SEMA4D: variants seen among roughly 807,000 people sequenced by gnomAD.
SEMA4D encodes the protein semaphorin-4D.
In SEMA4D, 22 loss-of-function variants were observed where a neutral mutation model predicts 74.8. The ratio of observed to expected loss-of-function variants is 0.29; its 90% confidence interval spans 0.21 to 0.42. The LOEUF is 0.42. SEMA4D is among the 10% of genes least tolerant of loss of function. The pLI, the probability that SEMA4D is intolerant of heterozygous loss-of-function variation, is 1.00. For synonymous variants in SEMA4D, 445 were observed against 463.7 expected, an observed-to-expected ratio of 0.96 and a Z score of 0.52; for missense variants, 937 against 1,118.4, an observed-to-expected ratio of 0.84 and a Z score of 2.31.
At position 89,417,977 on chromosome 9, in the gene SEMA4D, T is replaced by C. The variant is rs1057232856; in HGVS notation, c.-243-12278A>G. 1.7e-5 allele frequency: 9 copies of C among 522,714 alleles called. No individual in the cohort carries two copies. The Admixed American group carries it at 3.2e-4, about 19-fold the overall frequency. The allele number at this position is 522,714 out of a possible 1,614,324, so 32.4% of individuals were successfully genotyped here. The stretch of plus-strand genomic sequence containing the variant: ...CCAAGGGACCAAGCAACCAACCACC[T>C]GCCAGATCCAACTGAGGCCTCTACA... On this transcript the variant is annotated intron_variant, in intron 2 of 15. Transcript: ENST00000422704.
chr9:89,470,608 T>C (rs1453749553), intron 1 of SEMA4D, among the ~76,000 whole-genome samples: 1 of 152,206 alleles, frequency 6.6e-6, no homozygotes, highest in Non-Finnish European at 1.5e-5. Context: ...GCAATCCCAC[T>C]TCTGGACATT....
At chr9:89,433,231 C>G (rs1275317698) in intron 2 of SEMA4D, among the ~76,000 whole-genome samples, 3 of 151,730 alleles carry the variant, frequency 2.0e-5, no homozygotes, top group African/African-American at 7.3e-5. Flanking sequence ...CAGTGACCCC[C>G]TGAGGCTGCC....
At chr9:89,431,348 G>C (rs1305407529) in intron 2 of SEMA4D, among the ~76,000 whole-genome samples, 2 of 152,248 alleles carry the variant, frequency 1.3e-5, no homozygotes, top group South Asian at 2.1e-4. Context: ...ACCTCCAGGA[G>C]GAGGGACACC....
At chr9:89,369,505 G>A (rs756264432) in intron 16 of SEMA4D, 1 of 152,238 alleles carries the variant, frequency 6.6e-6, no homozygotes, top group Non-Finnish European at 1.5e-5. Context: ...CTGCACTTTG[G>A]TTAAAAAATT....
intron 15 of SEMA4D, 119 bp from the exon 16 acceptor site, chr9:89,379,748 TC>T: frequency 8.2e-7 from 1 of 1,218,858 alleles, no homozygotes; most frequent in Non-Finnish European, 1.1e-6. Context: ...CATGGAATCT[TC>T]CAGAACAACT....
chr9:89,439,408 C>A (rs914161864), intron 2 of SEMA4D, among the ~76,000 whole-genome samples: 1 of 152,168 alleles, frequency 6.6e-6, no homozygotes, highest in African/African-American at 2.4e-5. Context: ...CCTCTAAGAT[C>A]TAGTGGCTGA....
chr9:89,370,573 T>C lies in SEMA4D; in HGVS notation c.1882+6260A>G, dbSNP rs532382913. On this transcript the variant is annotated intron_variant, in intron 16 of 18. Coordinates refer to the SEMA4D transcript ENST00000339861. ...GGGTGTGGTGCTGGTGTGTGGTATG[T>C]CTGCTGTGTGGTCTGTGTAGTGTGT... Among the ~76,000 whole-genome samples the C allele has an allele frequency of 2.6e-3, 382 of 149,712 alleles. 1 individual carries two copies. The highest frequency in any genetic ancestry group is 4.8e-3 in the Non-Finnish European group (321 of 67,278).
chr9:89,364,020 C>CA, intron 16 of SEMA4D: 1 of 1,612,806 alleles, frequency 6.2e-7, no homozygotes, highest in South Asian at 1.1e-5. Flanking sequence ...CATGAGGGTG[C>CA]AGGGGGGTTA....
chr9:89,461,689 T>TTCTTTTTTC (rs1857231377), intron 1 of SEMA4D, among the ~76,000 whole-genome samples: 1 of 127,502 alleles, frequency 7.8e-6, no homozygotes, highest in South Asian at 2.7e-4. Flanking sequence ...CAATGTGTAT[T>TTCTTTTTTC]TCTTTTTTCT....
chr9:89,411,475 G>C (rs1210709246), intron 2 of SEMA4D, among the ~76,000 whole-genome samples: 2 of 152,164 alleles, frequency 1.3e-5, no homozygotes, highest in East Asian at 1.9e-4. Context: ...AGGAAATGTA[G>C]GCATATCTAA....
At chr9:89,376,108 G>C (rs183719915), downstream of SEMA4D, among the ~76,000 whole-genome samples, 24 of 152,344 alleles carry the variant, frequency 1.6e-4, no homozygotes, top group East Asian at 4.6e-3. Context: ...AAAGCAGGGG[G>C]ATTATGCCCG....
chr9:89,454,141 T>C (rs757163726), intron 2 of SEMA4D, among the ~76,000 whole-genome samples: 1 of 152,178 alleles, frequency 6.6e-6, no homozygotes, highest in East Asian at 1.9e-4. Context: ...ATGCAGACTA[T>C]CTATGATGTG....
At chr9:89,496,244 G>A (rs1444345136) in intron 1 of SEMA4D, among the ~76,000 whole-genome samples, 1 of 152,314 alleles carries the variant, frequency 6.6e-6, no homozygotes, top group Admixed American at 6.5e-5. Flanking sequence ...TTCTCAGGAG[G>A]TGGGCCCCCT....
At chr9:89,406,115 G>A (rs1279690901) in intron 2 of SEMA4D, among the ~76,000 whole-genome samples, 4 of 152,212 alleles carry the variant, frequency 2.6e-5, no homozygotes, top group East Asian at 1.9e-4. Context: ...AACGCTCAGC[G>A]AGGAAACGGC....
chr9:89,377,229 C>A, downstream of SEMA4D: 1 of 883,392 alleles, frequency 1.1e-6, no homozygotes, highest in Non-Finnish European at 1.6e-6. Flanking sequence ...GAATGTCTTC[C>A]CCAAATCAAG....
chr9:89,391,291 C>T lies in SEMA4D; in HGVS notation c.747G>A (p.Leu249=). 1 of 1,614,240 alleles carries T rather than the reference C, an allele frequency of 6.2e-7. No individual in the cohort carries two copies. The highest frequency in any genetic ancestry group is 8.5e-7 in the Non-Finnish European group (1 of 1,180,034). ...TGCACACTCTTGCTATCCGTGGGAT[C>T]AGCACCCTGAACACAAACTCATACT... ...SVEYEFVFRV[L]IPRIARVCKG... Residue 249 remains leucine, a synonymous_variant, in exon 9 of 16, where the codon CTG becomes CTA. Coordinates refer to ENST00000422704, the MANE Select transcript of SEMA4D (RefSeq NM_001371194.2).
At chr9:89,433,382 C>T (rs1415740147) in intron 2 of SEMA4D, among the ~76,000 whole-genome samples, 1 of 151,984 alleles carries the variant, frequency 6.6e-6, no homozygotes, top group African/African-American at 2.4e-5. Context: ...CTGACGGAGT[C>T]CTTGATAGTG....
At position 89,381,392 on chromosome 9, in the gene SEMA4D, T is replaced by C. The variant is rs896147344; in HGVS notation, c.1447-46A>G. The C allele has an allele frequency of 1.4e-6, 2 of 1,440,722 alleles. No homozygotes were observed. Among genetic ancestry groups the C allele is most frequent in the Non-Finnish European group, 1.8e-6 (2 of 1,090,326 alleles). The allele number at this position is 1,440,722 out of a possible 1,614,324, so 89.2% of individuals were successfully genotyped here. The stretch of plus-strand genomic sequence containing the variant: ...AGAACTAGCATCAGGCAAGCAGGCA[T>C]CCAGGAGCATGGCCTCTGCTTCTGC... On this transcript the variant is annotated intron_variant, in intron 13 of 15. Transcript: ENST00000422704. This position sits in a 1 kb window ranked among gnomAD's most constrained non-coding sequence, Gnocchi z 4.6.
At chr9:89,362,390 C>T in exon 19 of SEMA4D, 2 of 1,614,060 alleles carry the variant, frequency 1.2e-6, no homozygotes, top group African/African-American at 1.3e-5. Flanking sequence ...GTCAGGGACT[C>T]CTTCCTGGTG....
Sources: allele counts gnomAD v4.1 joint callset (sites outside exome capture counted in the v4.1 genomes callset), GRCh38; gene constraint gnomAD v4.1.1; non-coding constraint Gnocchi (gnomAD v3.1); transcripts MANE v1.5; gene names NCBI Gene and HGNC (gene_info 2026-07-23, HGNC 2026-07-21).